Variants in ZBTB7C observed in about 807,000 individuals in gnomAD.
The protein encoded by ZBTB7C is zinc finger and BTB domain containing 7C, also known as zinc finger and BTB domain-containing protein 7C.
A neutral mutation model predicts 25.7 loss-of-function variants in ZBTB7C; 8 were observed. The ratio of observed to expected loss-of-function variants is 0.31; its 90% CI spans 0.18 to 0.56. The LOEUF is 0.56. ZBTB7C is among the 20% of genes least tolerant of loss of function. ZBTB7C has a pLI of 0.91. For synonymous variants in ZBTB7C, 394 were observed against 369.0 expected (o/e 1.07, Z -0.78); for missense variants, 824 against 855.2 (o/e 0.96, Z 0.46).
At chr18:48,367,175 T>TTATATATATATATATATATA (rs71165321) in intron 1 of ZBTB7C, among the ~76,000 whole-genome samples, 86 of 62,138 alleles carry the variant, frequency 1.4e-3, no homozygotes, top group African/African-American at 2.0e-3. Context: ...TCCCCAAGTT[T>TTATATATATATATATATATA]TATATATATA....
intron 1 of ZBTB7C, among the ~76,000 whole-genome samples, chr18:48,367,373 A>ATATATATATATATATATATATAT (rs757386700): frequency 1.0e-5 from 1 of 96,478 alleles, no homozygotes; most frequent in African/African-American, 4.2e-5. Flanking sequence ...TATATATATA[A>ATATATATATATATATATATATAT]AATACAAACA....
chr18:48,261,937 T>C (rs1280137478), intron 2 of ZBTB7C, among the ~76,000 whole-genome samples: 3 of 152,206 alleles, frequency 2.0e-5, no homozygotes, highest in Non-Finnish European at 4.4e-5. Context: ...GGAGCCATCT[T>C]AGCATCTGTG....
intron 1 of ZBTB7C, among the ~76,000 whole-genome samples, chr18:48,398,121 C>G (rs1432138586): frequency 6.6e-6 from 1 of 152,200 alleles, no homozygotes; most frequent in East Asian, 1.9e-4. Flanking sequence ...GGATTAGGGA[C>G]AGCATTCATT....
intron 1 of ZBTB7C, among the ~76,000 whole-genome samples, chr18:48,342,811 G>C (rs1488274404): frequency 6.6e-6 from 1 of 152,134 alleles, no homozygotes; most frequent in Non-Finnish European, 1.5e-5. Context: ...AATGGGGAGG[G>C]CCAGGAGGGA....
chr18:48,242,788 C>T (rs1289568552), intron 2 of ZBTB7C, among the ~76,000 whole-genome samples: 1 of 152,108 alleles, frequency 6.6e-6, no homozygotes, highest in Non-Finnish European at 1.5e-5. Context: ...AGAACTGGAA[C>T]AAGACAAGAA....
intron 2 of ZBTB7C, among the ~76,000 whole-genome samples, chr18:48,278,102 A>T (rs186527043): frequency 4.8e-4 from 73 of 152,284 alleles, no homozygotes; most frequent in Non-Finnish European, 5.0e-4. Context: ...TGGACTGGCC[A>T]TGAGGTTTGT....
chr18:48,343,054 C>A (rs1448290888), intron 1 of ZBTB7C, among the ~76,000 whole-genome samples: 1 of 152,172 alleles, frequency 6.6e-6, no homozygotes, highest in African/African-American at 2.4e-5. Context: ...CACAGCCCAG[C>A]ATCAAGAAAA....
chr18:48,206,259 A>G (rs2042574091), intron 2 of ZBTB7C, among the ~76,000 whole-genome samples: 1 of 152,238 alleles, frequency 6.6e-6, no homozygotes, highest in Admixed American at 6.5e-5. Context: ...AAAGAAGCCA[A>G]TGGAACAGAA....
chr18:48,257,083 G>C (rs1568334500), intron 2 of ZBTB7C, among the ~76,000 whole-genome samples: 1 of 151,740 alleles, frequency 6.6e-6, no homozygotes, highest in East Asian at 1.9e-4. Flanking sequence ...TGGATATAAA[G>C]GAAGACCCAA....
intron 2 of ZBTB7C, among the ~76,000 whole-genome samples, chr18:48,333,685 C>T (rs963214530): frequency 3.9e-5 from 6 of 152,142 alleles, no homozygotes; most frequent in African/African-American, 1.4e-4. Flanking sequence ...TTTTAGGATT[C>T]GTGACAGCCT....
At chr18:48,089,205 ACGCCTGTAATCCT>A (rs2038312207) in intron 3 of ZBTB7C, among the ~76,000 whole-genome samples, 1 of 152,158 alleles carries the variant, frequency 6.6e-6, no homozygotes, top group Non-Finnish European at 1.5e-5. Context: ...GCAGTGGCTC[ACGCCTGTAATCCT>A]AGCACTTTGG....
intron 1 of ZBTB7C, among the ~76,000 whole-genome samples, chr18:48,397,717 C>T (rs2048062218): frequency 6.6e-6 from 1 of 152,220 alleles, no homozygotes; most frequent in African/African-American, 2.4e-5. Flanking sequence ...TTCTAGGACT[C>T]TCTTCTTTAA....
At chr18:48,048,830 T>C (rs1452432837) in intron 3 of ZBTB7C, among the ~76,000 whole-genome samples, 2 of 152,176 alleles carry the variant, frequency 1.3e-5, no homozygotes, top group Non-Finnish European at 2.9e-5. Flanking sequence ...CATCACCATC[T>C]TCTAAGGTTT....
At chr18:48,360,095 T>C (rs575895929) in intron 1 of ZBTB7C, among the ~76,000 whole-genome samples, 2 of 152,346 alleles carry the variant, frequency 1.3e-5, no homozygotes, top group African/African-American at 4.8e-5. Context: ...TCTGGAAATG[T>C]TGACTCTCAC....
At chr18:48,288,058 A>G (rs561617949) in intron 2 of ZBTB7C, among the ~76,000 whole-genome samples, 1 of 152,380 alleles carries the variant, frequency 6.6e-6, no homozygotes, top group East Asian at 1.9e-4. Flanking sequence ...TAGCCAGTAC[A>G]TTAAGGCAAA....
chr18:48,146,534 A>G lies in ZBTB7C; in HGVS notation c.-17+39400T>C, dbSNP rs192047456. 4.1e-3 allele frequency among the ~76,000 whole-genome samples: 628 copies of G among 152,314 alleles called. 2 individuals carry two copies. Among genetic ancestry groups the G allele is most frequent in the Non-Finnish European group, 7.5e-3 (512 of 68,024 alleles). On this transcript the variant is annotated intron_variant, in intron 3 of 4. Coordinates refer to ENST00000590800, the MANE Select transcript of ZBTB7C (RefSeq NM_001318841.2). ...ATACCTATAAAAAATGCAAAATGAT[A>G]TATTCATAAAATTTGCTAGCCTGCT...
chr18:48,221,646 C>T (rs897990904), intron 2 of ZBTB7C, among the ~76,000 whole-genome samples: 1 of 150,282 alleles, frequency 6.7e-6, no homozygotes, highest in African/African-American at 2.5e-5. Context: ...CTCCTCTATA[C>T]TGTCCTAATC....
intron 2 of ZBTB7C, among the ~76,000 whole-genome samples, chr18:48,205,907 C>T (rs1000121744): frequency 5.3e-5 from 8 of 152,268 alleles, no homozygotes; most frequent in Non-Finnish European, 1.0e-4. Flanking sequence ...TTTTATTGCT[C>T]ACTGTCCCTT....
At chr18:48,295,338 C>G (rs2045357410) in intron 2 of ZBTB7C, among the ~76,000 whole-genome samples, 1 of 152,150 alleles carries the variant, frequency 6.6e-6, no homozygotes. Context: ...GTGGGGCTTG[C>G]ACAGATGATG....
Sources: gnomAD v4.1 joint callset for allele counts (sites outside exome capture counted in the v4.1 genomes callset) on GRCh38, gnomAD v4.1.1 for gene constraint, MANE v1.5 for transcripts, NCBI Gene and HGNC (gene_info 2026-07-23, HGNC 2026-07-21) for gene names.